The following CACNA2D1 variants were observed in gnomAD, a reference collection of about 807,000 sequenced individuals.
The protein encoded by CACNA2D1 is calcium voltage-gated channel auxiliary subunit alpha2delta 1.
In CACNA2D1, 53 loss-of-function variants were observed where a neutral mutation model predicts 171.5. The observed-to-expected ratio is 0.31, with a 90% CI of 0.25 to 0.39. CACNA2D1 has a LOEUF of 0.39. CACNA2D1 is among the 10% of genes least tolerant of loss of function. The pLI is 1.00. For synonymous variants in CACNA2D1, 442 were observed against 443.1 expected (o/e 1.00, Z 0.03); for missense variants, 903 against 1,299.8 (o/e 0.69, Z 4.69).
chr7:82,089,047 G>A (rs897747525), intron 6 of CACNA2D1, among the ~76,000 whole-genome samples: 2 of 152,142 alleles, frequency 1.3e-5, no homozygotes, highest in African/African-American at 2.4e-5. Context: ...TGCGTGGCCC[G>A]GTTCCTAACA....
chr7:82,439,879 T>C (rs1023199956), intron 1 of CACNA2D1, among the ~76,000 whole-genome samples: 12 of 151,852 alleles, frequency 7.9e-5, no homozygotes, highest in African/African-American at 2.9e-4. Flanking sequence ...ATCTCATAAT[T>C]GATCATATGG....
chr7:82,427,869 T>C (rs917613863), intron 1 of CACNA2D1, among the ~76,000 whole-genome samples: 5 of 152,152 alleles, frequency 3.3e-5, no homozygotes, highest in African/African-American at 1.2e-4. Context: ...GTCCTCTGTT[T>C]CAGATGAGGA....
intron 3 of CACNA2D1, among the ~76,000 whole-genome samples, chr7:82,196,936 G>A (rs968382982): frequency 2.4e-4 from 37 of 151,742 alleles, no homozygotes; most frequent in African/African-American, 8.9e-4. Context: ...AATTGAGCAA[G>A]GGAATTATCT....
At chr7:82,130,791 C>CTTTTTTTT (rs71093363) in intron 5 of CACNA2D1, among the ~76,000 whole-genome samples, 10 of 105,844 alleles carry the variant, frequency 9.4e-5, no homozygotes, top group Non-Finnish European at 1.4e-4. Context: ...TTGTTTTTGT[C>CTTTTTTTT]TTTTTTTTTT....
rs1047609599 is a variant in CACNA2D1 at position 82,063,006 on chromosome 7, C to T, written c.779+1298G>A. Among the ~76,000 whole-genome samples, 6 of 152,088 alleles carry T rather than the reference C, an allele frequency of 3.9e-5. No homozygotes were observed. The East Asian group carries it at 9.7e-4, about 24-fold the overall frequency. ...AAGCCATCCACCTGCCTTAGCCTCC[C>T]AAGTGATGGGATCACAGGTGTGAGT... On this transcript the variant is annotated intron_variant, in intron 9 of 38. Coordinates refer to ENST00000356860, the MANE Select transcript of CACNA2D1 (RefSeq NM_000722.4).
chr7:82,323,989 C>T (rs1052490244), intron 3 of CACNA2D1, among the ~76,000 whole-genome samples: 2 of 152,080 alleles, frequency 1.3e-5, no homozygotes, highest in Admixed American at 6.5e-5. Flanking sequence ...TGTTCAAATA[C>T]TCATTTAGTG....
At chr7:82,082,804 A>G (rs1464703044) in intron 7 of CACNA2D1, among the ~76,000 whole-genome samples, 1 of 151,942 alleles carries the variant, frequency 6.6e-6, no homozygotes, top group Non-Finnish European at 1.5e-5. Context: ...GAAGTGAACA[A>G]ATGTCAACAC....
chr7:82,391,571 C>T (rs1314055268), intron 1 of CACNA2D1, among the ~76,000 whole-genome samples: 1 of 152,098 alleles, frequency 6.6e-6, no homozygotes, highest in African/African-American at 2.4e-5. Flanking sequence ...TTAATAAATA[C>T]CTTAAATGTT....
At chr7:82,158,838 T>C (rs1296130468) in intron 4 of CACNA2D1, among the ~76,000 whole-genome samples, 1 of 151,908 alleles carries the variant, frequency 6.6e-6, no homozygotes, top group African/African-American at 2.4e-5. Context: ...ACTTACTTCA[T>C]GGCTCAAAAA....
At chr7:82,241,324 C>T (rs1477741050) in intron 3 of CACNA2D1, among the ~76,000 whole-genome samples, 2 of 152,088 alleles carry the variant, frequency 1.3e-5, no homozygotes, top group African/African-American at 2.4e-5. Flanking sequence ...ATACTTTTTA[C>T]TTTTCTATAT....
intron 10 of CACNA2D1, among the ~76,000 whole-genome samples, chr7:82,059,763 T>C (rs949318209): frequency 1.3e-5 from 2 of 151,046 alleles, no homozygotes; most frequent in Middle Eastern, 3.2e-3. Flanking sequence ...CCAACAATGA[T>C]AGACTGGATT....
At chr7:82,189,891 A>G (rs1422146332) in intron 3 of CACNA2D1, among the ~76,000 whole-genome samples, 1 of 151,972 alleles carries the variant, frequency 6.6e-6, no homozygotes, top group Non-Finnish European at 1.5e-5. Context: ...AAAAAATTAA[A>G]CTAATTGTAA....
rs900549297 is a variant in CACNA2D1 at position 82,411,216 on chromosome 7, G to A, written c.95+32149C>T. Among the ~76,000 whole-genome samples, 2 of 152,132 alleles carry A rather than the reference G, an allele frequency of 1.3e-5. 1 individual carries two copies. The highest frequency in any genetic ancestry group is 6.3e-3 in the Middle Eastern group (2 of 316). ...TGTTATTTTAAATAATCTGGTGCCT[G>A]AGCAGCTCTGCGTGAGAGGGGAATG... On this transcript the variant is annotated intron_variant, in intron 1 of 38. Transcript: ENST00000356860.
At chr7:81,952,602 A>T (rs775853075) in intron 38 of CACNA2D1, among the ~76,000 whole-genome samples, 3 of 152,036 alleles carry the variant, frequency 2.0e-5, no homozygotes, top group Admixed American at 6.6e-5. Flanking sequence ...ACCTTTGGCT[A>T]ATGTACTCTT....
intron 10 of CACNA2D1, among the ~76,000 whole-genome samples, chr7:82,040,685 C>T (rs899275697): frequency 2.2e-4 from 34 of 151,978 alleles, no homozygotes; most frequent in African/African-American, 8.0e-4. Flanking sequence ...CTTAAAACTG[C>T]CCAGTAGGGC....
At chr7:82,219,234 C>T (rs1801493940) in intron 3 of CACNA2D1, among the ~76,000 whole-genome samples, 4 of 152,080 alleles carry the variant, frequency 2.6e-5, no homozygotes, top group Admixed American at 1.3e-4. Flanking sequence ...CAGGTCAAAT[C>T]TCTGCTACTT....
chr7:82,428,522 G>A (rs565629135), intron 1 of CACNA2D1, among the ~76,000 whole-genome samples: 39 of 152,240 alleles, frequency 2.6e-4, no homozygotes, highest in African/African-American at 8.9e-4. Context: ...GAAAACAGTA[G>A]TCTTTACTAA....
chr7:82,364,661 C>G (rs993726503), intron 1 of CACNA2D1, among the ~76,000 whole-genome samples: 21 of 152,156 alleles, frequency 1.4e-4, no homozygotes, highest in Admixed American at 1.0e-3. Flanking sequence ...CAGATTCTTC[C>G]TGCTAGATTT....
At chr7:82,019,337 CAA>C (rs1232079834) in intron 12 of CACNA2D1, among the ~76,000 whole-genome samples, 1 of 151,660 alleles carries the variant, frequency 6.6e-6, no homozygotes, top group African/African-American at 2.4e-5. Flanking sequence ...AAACAAAAAA[CAA>C]AAAAAATTAA....
Sources: gnomAD v4.1 joint callset for allele counts (sites outside exome capture counted in the v4.1 genomes callset) on GRCh38, gnomAD v4.1.1 for gene constraint, MANE v1.5 for transcripts, NCBI Gene and HGNC (gene_info 2026-07-23, HGNC 2026-07-21) for gene names.